GPM6B: variants seen among roughly 807,000 people sequenced by gnomAD.
GPM6B encodes glycoprotein M6B.
A neutral mutation model predicts 27.2 loss-of-function variants in GPM6B; 4 were observed. That is an observed-to-expected ratio of 0.15 (90% CI 0.07 to 0.34). GPM6B has a LOEUF of 0.34. GPM6B is among the 10% of genes least tolerant of loss of function. The pLI, the probability that GPM6B is intolerant of heterozygous loss-of-function variation, is 1.00. For synonymous variants in GPM6B, 124 were observed against 103.1 expected (o/e 1.20, Z -1.23); for missense variants, 183 against 261.9 (o/e 0.70, Z 2.08).
intron 1 of GPM6B, among the ~76,000 whole-genome samples, chrX:13,883,871 A>G (rs936201552): frequency 9.1e-6 from 1 of 109,999 alleles, no homozygotes; most frequent in African/African-American, 3.3e-5. Flanking sequence ...AAAAAATTTT[A>G]AACATATTGT....
chrX:13,873,413 A>C (rs185559497), intron 1 of GPM6B, among the ~76,000 whole-genome samples: 1 of 110,991 alleles, frequency 9.0e-6, no homozygotes, highest in Non-Finnish European at 1.9e-5. Flanking sequence ...GCTTATCTCC[A>C]TGTCTCTGTT....
intron 1 of GPM6B, among the ~76,000 whole-genome samples, chrX:13,932,156 T>G (rs991920339): frequency 8.1e-5 from 9 of 111,233 alleles, no homozygotes; most frequent in Admixed American, 1.9e-4. Flanking sequence ...CTTTACAATC[T>G]GGCCTCAGCT....
At chrX:13,813,423 A>G (rs990246320) in intron 1 of GPM6B, among the ~76,000 whole-genome samples, 6 of 111,685 alleles carry the variant, frequency 5.4e-5, no homozygotes, top group Admixed American at 2.9e-4. Flanking sequence ...CCCATTCACT[A>G]TATTTTTCTT....
At chrX:13,793,734 C>A (rs1488459735) in intron 2 of GPM6B, among the ~76,000 whole-genome samples, 2 of 111,685 alleles carry the variant, frequency 1.8e-5, no homozygotes. Flanking sequence ...CACCCCAGAC[C>A]AATTTTATCA....
At chrX:13,829,743 T>G (rs1468012505) in intron 1 of GPM6B, among the ~76,000 whole-genome samples, 2 of 111,493 alleles carry the variant, frequency 1.8e-5, no homozygotes, top group African/African-American at 6.5e-5. Flanking sequence ...GATAATGGGA[T>G]TAAAAAAAGA....
intron 3 of GPM6B, among the ~76,000 whole-genome samples, chrX:13,784,603 G>A (rs2048575445): frequency 8.9e-6 from 1 of 111,905 alleles, no homozygotes; most frequent in Admixed American, 9.5e-5. Flanking sequence ...CTGGAACTTT[G>A]GGATTCAAGG....
At chrX:13,798,265 T>C (rs1429139086) in intron 2 of GPM6B, among the ~76,000 whole-genome samples, 2 of 109,706 alleles carry the variant, frequency 1.8e-5, no homozygotes, top group African/African-American at 6.7e-5. Context: ...ACCTGGGTGA[T>C]GGGAACCCTC....
In GPM6B at chrX:13,807,679, C is replaced by T. The variant is rs745389187; in HGVS notation, c.152G>A (p.Gly51Glu). Residue 51 changes from glycine (G) to glutamate (E), a missense_variant, in exon 2 of 8, where the codon GGG becomes GAG. Coordinates refer to ENST00000316715, the MANE Select transcript of GPM6B (RefSeq NM_001001995.3). The stretch of plus-strand genomic sequence containing the variant: ...ACTGCTCAAGGGGCTAGCCCTGTCC[C>T]CCAGGGTTGGCACGGGATGGTACTG... ...NHQYHPVPTLGDRASPLSSPG... is the reference protein window; with the variant it reads ...NHQYHPVPTLEDRASPLSSPG... 1 of 1,205,110 alleles carries T rather than the reference C, an allele frequency of 8.3e-7. No individual in the cohort carries two copies. Among genetic ancestry groups the T allele is most frequent in the Non-Finnish European group, 1.1e-6 (1 of 890,423 alleles).
rs370731487 is a variant in GPM6B, at chrX:13,845,538, A to C, written c.-197-59730T>G. On this transcript the variant is annotated intron_variant, in intron 1 of 6. Coordinates refer to the GPM6B transcript ENST00000398361. ...GAGTGAAAATTCTCCTTCTTCTAAT[A>C]TTTTTGTATATATATTTAACTTAAA... Among the ~76,000 whole-genome samples, 4 of 111,975 alleles carry C rather than the reference A, an allele frequency of 3.6e-5. No individual in the cohort carries two copies. The East Asian group carries it at 1.1e-3, about 31-fold the overall frequency.
Position 13,772,422 on chromosome X carries a change from A to G in GPM6B, c.*459T>C, listed in dbSNP as rs974804939. Reference sequence around the variant, plus strand: ...TGTCAGCTGTCAGAAATGGAACTTTACATCAATTCCATTTTATTTCCTATG... The same window carrying G: ...TGTCAGCTGTCAGAAATGGAACTTTGCATCAATTCCATTTTATTTCCTATG... On this transcript the variant is annotated 3_prime_UTR_variant, in exon 8 of 8. Coordinates refer to ENST00000316715, the MANE Select transcript of GPM6B (RefSeq NM_001001995.3). 8.8e-6 allele frequency: 1 copy of G among 113,577 alleles called. No homozygotes were observed. Among genetic ancestry groups the G allele is most frequent in the African/African-American group, 3.2e-5 (1 of 30,974 alleles). 9.4% of individuals were successfully genotyped at this position (113,577 alleles called of 1,213,427 possible).
intron 1 of GPM6B, among the ~76,000 whole-genome samples, chrX:13,936,206 A>C (rs1272864285): frequency 8.9e-6 from 1 of 112,381 alleles, no homozygotes; most frequent in African/African-American, 3.2e-5. Flanking sequence ...TTACATCTTA[A>C]GGCTATAAAA....
chrX:13,865,748 C>T lies in GPM6B; in HGVS notation c.-198+72579G>A, dbSNP rs762846116. 2.8e-5 allele frequency among the ~76,000 whole-genome samples: 3 copies of T among 106,693 alleles called. No homozygotes were observed. The South Asian group carries it at 1.2e-3, about 44-fold the overall frequency. 92.7% of individuals were successfully genotyped at this position (106,693 alleles called of 115,157 possible). On this transcript the variant is annotated intron_variant, in intron 1 of 6. Transcript: ENST00000398361. ...CTCCAGCCTGGGTGACAGAGCAAGACCCTGTCTCAAAAAGAAAAAGTAAAA... is the reference window on the plus strand; with the variant it reads ...CTCCAGCCTGGGTGACAGAGCAAGATCCTGTCTCAAAAAGAAAAAGTAAAA...
At chrX:13,876,207 AAGG>A (rs1243964687) in intron 1 of GPM6B, among the ~76,000 whole-genome samples, 1 of 111,960 alleles carries the variant, frequency 8.9e-6, no homozygotes, top group African/African-American at 3.2e-5. Flanking sequence ...ATCAAAGATC[AAGG>A]AGGACACCAT....
At chrX:13,782,752 C>T (rs911577055) in intron 4 of GPM6B, among the ~76,000 whole-genome samples, 5 of 74,190 alleles carry the variant, frequency 6.7e-5, no homozygotes, top group Admixed American at 3.5e-4. Context: ...AGTGATGCTC[C>T]GTCTCAAAAA....
intron 1 of GPM6B, among the ~76,000 whole-genome samples, chrX:13,856,703 T>A (rs769729794): frequency 1.4e-3 from 111 of 80,888 alleles, no homozygotes; most frequent in African/African-American, 4.0e-3. Context: ...TTTTTTTTTT[T>A]ATTATTTTTT....
intron 2 of GPM6B, among the ~76,000 whole-genome samples, chrX:13,806,600 TAATTAA>T (rs1403694430): frequency 8.9e-6 from 1 of 112,132 alleles, no homozygotes; most frequent in Non-Finnish European, 1.9e-5. Flanking sequence ...GATTTCATTT[TAATTAA>T]CCTGACAACA....
At chrX:13,920,301 GA>G (rs1364972807) in intron 1 of GPM6B, among the ~76,000 whole-genome samples, 1 of 73,569 alleles carries the variant, frequency 1.4e-5, no homozygotes, top group Non-Finnish European at 2.8e-5. Flanking sequence ...AAGAAAGAAA[GA>G]AAAAAAAAGA....
intron 1 of GPM6B, among the ~76,000 whole-genome samples, chrX:13,846,998 C>G (rs2049657553): frequency 9.1e-6 from 1 of 110,076 alleles, no homozygotes; most frequent in Admixed American, 9.7e-5. Flanking sequence ...CTAAGACAAG[C>G]AGATAGTTTG....
chrX:13,838,713 G>C (rs1161173816), intron 1 of GPM6B, among the ~76,000 whole-genome samples: 2 of 111,712 alleles, frequency 1.8e-5, no homozygotes, highest in Non-Finnish European at 3.8e-5. Flanking sequence ...AGGGAGGAAG[G>C]GGAGGCAGCT....
Sources: allele counts gnomAD v4.1 joint callset (sites outside exome capture counted in the v4.1 genomes callset), GRCh38; gene constraint gnomAD v4.1.1; transcripts MANE v1.5; gene names NCBI Gene and HGNC (gene_info 2026-07-23, HGNC 2026-07-21).